Variants in SORCS1 observed in about 807,000 individuals in gnomAD.
SORCS1 encodes the protein sortilin related VPS10 domain containing receptor 1.
SORCS1 carries 60 observed loss-of-function variants against 146.1 expected under a neutral mutation model. The observed-to-expected ratio is 0.41, with a 90% CI of 0.33 to 0.51. SORCS1 has a LOEUF of 0.51. Among genes scored for constraint, SORCS1 ranks in the 20% least tolerant of loss-of-function variants. SORCS1 has a pLI of 0.21. For synonymous variants in SORCS1, 637 were observed against 584.0 expected (o/e 1.09, Z -1.31); for missense variants, 1,352 against 1,487.6 (o/e 0.91, Z 1.50).
At chr10:107,180,185 G>A in the SORCS1 span, among the ~76,000 whole-genome samples, 1 of 152,036 alleles carries the variant, frequency 6.6e-6, no homozygotes, top group Non-Finnish European at 1.5e-5. Flanking sequence ...CAAAGTGCTA[G>A]GATTACAAGT....
chr10:107,108,774 A>G (rs1460118885), intron 1 of SORCS1, among the ~76,000 whole-genome samples: 1 of 152,198 alleles, frequency 6.6e-6, no homozygotes, highest in Non-Finnish European at 1.5e-5. Flanking sequence ...CTTATCTGAG[A>G]CAAAGGAAAT....
Position 106,964,912 on chromosome 10 carries a change from C to T in SORCS1, c.559-8332G>A, listed in dbSNP as rs1408275162. ...TACAGGTGTGAGCCACCATGCCTGG[C>T]CAAGACCAGATTTTGAGTCCTGGTT... On this transcript the variant is annotated intron_variant, in intron 1 of 25. Coordinates refer to ENST00000263054, the MANE Select transcript of SORCS1 (RefSeq NM_052918.5). 2.7e-5 allele frequency among the ~76,000 whole-genome samples: 4 copies of T among 150,698 alleles called. No individual in the cohort carries two copies. The Admixed American group carries it at 2.7e-4, about 10-fold the overall frequency.
At chr10:107,065,701 A>C (rs2134148047) in intron 1 of SORCS1, among the ~76,000 whole-genome samples, 1 of 151,990 alleles carries the variant, frequency 6.6e-6, no homozygotes, top group Admixed American at 6.6e-5. Context: ...ATTTTTTGGC[A>C]GAGATGGGGT....
intron 8 of SORCS1, among the ~76,000 whole-genome samples, chr10:106,704,045 T>G (rs1854328695): frequency 6.6e-6 from 1 of 152,168 alleles, no homozygotes; most frequent in African/African-American, 2.4e-5. Context: ...CCTTCCATAT[T>G]GGCTAGATGC....
intron 6 of SORCS1, among the ~76,000 whole-genome samples, chr10:106,714,415 G>A (rs964872548): frequency 2.0e-5 from 3 of 151,928 alleles, no homozygotes; most frequent in African/African-American, 7.2e-5. Flanking sequence ...TTACCAATTA[G>A]TAATATTATT....
intron 1 of SORCS1, among the ~76,000 whole-genome samples, chr10:107,022,365 T>C (rs780382319): frequency 5.9e-5 from 9 of 152,164 alleles, no homozygotes; most frequent in Non-Finnish European, 8.8e-5. Flanking sequence ...ATGACTGAGG[T>C]CCAGTGGCAG....
intron 2 of SORCS1, among the ~76,000 whole-genome samples, chr10:106,945,814 C>T (rs769364679): frequency 3.9e-5 from 6 of 152,186 alleles, no homozygotes; most frequent in Non-Finnish European, 8.8e-5. Context: ...ACAAGGAGAG[C>T]AGGGGTGCAA....
At chr10:106,637,809 T>C (rs1008647818) in intron 18 of SORCS1, among the ~76,000 whole-genome samples, 2 of 152,248 alleles carry the variant, frequency 1.3e-5, no homozygotes, top group Non-Finnish European at 2.9e-5. Context: ...CAAATACTTC[T>C]GGATCTAATG....
chr10:106,602,552 A>ACACACACACACACACACAC (rs1846313649), intron 23 of SORCS1, among the ~76,000 whole-genome samples: 1 of 61,810 alleles, frequency 1.6e-5, no homozygotes, highest in Admixed American at 1.5e-4. Context: ...CACACACACA[A>ACACACACACACACACACAC]ACACACACAC....
chr10:107,135,777 G>T (rs1213532812), intron 1 of SORCS1, among the ~76,000 whole-genome samples: 1 of 152,176 alleles, frequency 6.6e-6, no homozygotes, highest in African/African-American at 2.4e-5. Flanking sequence ...TGGCCAGTAG[G>T]AGACCCACAA....
At chr10:107,140,365 A>C (rs1967708104) in intron 1 of SORCS1, among the ~76,000 whole-genome samples, 2 of 151,316 alleles carry the variant, frequency 1.3e-5, no homozygotes, top group Non-Finnish European at 1.5e-5. Context: ...ATTTCATGAC[A>C]TGTGCAGTTT....
intron 6 of SORCS1, among the ~76,000 whole-genome samples, chr10:106,717,325 C>A (rs1855448135): frequency 1.3e-5 from 2 of 152,224 alleles, no homozygotes; most frequent in African/African-American, 4.8e-5. Context: ...TGTTCATATA[C>A]ACTTAATTCC....
At chr10:107,062,733 T>C (rs1961342371) in intron 1 of SORCS1, among the ~76,000 whole-genome samples, 1 of 152,126 alleles carries the variant, frequency 6.6e-6, no homozygotes, top group Non-Finnish European at 1.5e-5. Context: ...CTCTATTACC[T>C]CCTTTCCTCT....
At chr10:107,121,065 T>A (rs1966378316) in intron 1 of SORCS1, among the ~76,000 whole-genome samples, 1 of 152,150 alleles carries the variant, frequency 6.6e-6, no homozygotes, top group Non-Finnish European at 1.5e-5. Context: ...ATCACAGGTG[T>A]CTTTGGAGCC....
rs72076963 is a variant in SORCS1, at chr10:106,877,419, C to CAA, written c.627-47748_627-47747dup. ...ACAACATAGAAAGACCCTGTTTCTA[C>CAA]AAAAAAAAAAATTAGTTGTGCATGG... On this transcript the variant is annotated intron_variant, in intron 2 of 25. Transcript: ENST00000263054. 1.9e-3 allele frequency among the ~76,000 whole-genome samples: 275 copies of CAA among 145,960 alleles called. 5 individuals carry two copies. The highest frequency in any genetic ancestry group is 6.2e-3 in the African/African-American group (251 of 40,252).
At chr10:106,796,489 T>G (rs374597856) in intron 3 of SORCS1, among the ~76,000 whole-genome samples, 62 of 152,320 alleles carry the variant, frequency 4.1e-4, no homozygotes, top group African/African-American at 1.5e-3. Context: ...ATAAGTCCCA[T>G]CCCGGCAAGA....
intron 1 of SORCS1, among the ~76,000 whole-genome samples, chr10:106,971,748 G>C (rs1248843617): frequency 6.6e-6 from 1 of 152,192 alleles, no homozygotes; most frequent in Non-Finnish European, 1.5e-5. Context: ...GGTTGGCCAG[G>C]ACACTGCAGA....
At chr10:106,672,803 T>A (rs548631383) in intron 15 of SORCS1, 65 bp downstream of exon 15, 1 of 1,382,154 alleles carries the variant, frequency 7.2e-7, no homozygotes, top group South Asian at 1.2e-5. Flanking sequence ...CCTTAGCAAC[T>A]AGCTTTCCCC....
At chr10:106,843,817 A>C (rs182441748) in intron 2 of SORCS1, among the ~76,000 whole-genome samples, 28 of 152,300 alleles carry the variant, frequency 1.8e-4, no homozygotes, top group Non-Finnish European at 4.0e-4. Flanking sequence ...TCAGACACTT[A>C]GGTTGTTTCC....
Sources: gnomAD v4.1 joint callset for allele counts (sites outside exome capture counted in the v4.1 genomes callset) on GRCh38, gnomAD v4.1.1 for gene constraint, MANE v1.5 for transcripts, NCBI Gene and HGNC (gene_info 2026-07-23, HGNC 2026-07-21) for gene names.